The following MLKL variants were observed in gnomAD, a reference collection of about 807,000 sequenced individuals.
The protein encoded by MLKL is mixed lineage kinase domain-like protein.
Under a neutral mutation model 56.5 loss-of-function variants are expected in MLKL, and 55 were observed. The ratio of observed to expected loss-of-function variants is 0.97; its 90% confidence interval spans 0.78 to 1.22. MLKL has a LOEUF of 1.22. Ranked by LOEUF, MLKL falls within the 50% of genes most tolerant of loss-of-function variation. MLKL has a pLI of 0.00. For synonymous variants in MLKL, 251 were observed against 208.3 expected, an observed-to-expected ratio of 1.20 and a Z score of -1.76; for missense variants, 694 against 573.9, an observed-to-expected ratio of 1.21 and a Z score of -2.14.
Position 74,672,451 on chromosome 16 carries a change from T to G in MLKL, c.*53A>C. The G allele has an allele frequency of 6.5e-7, 1 of 1,531,112 alleles. No homozygotes were observed. The highest frequency in any genetic ancestry group is 9.0e-7 in the Non-Finnish European group (1 of 1,105,850). The allele number at this position is 1,531,112 out of a possible 1,614,324, so 94.8% of individuals were successfully genotyped here. A position where few individuals can be genotyped will look rare whatever the true frequency, so the allele number is the denominator to read the frequency against. ...ATATGAGAGAGAGAGATGTCCAGTT[T>G]GTGCCTCTCCCAGCTTCTTGTCCAG... On this transcript the variant is annotated 3_prime_UTR_variant, in exon 11 of 11. Transcript: ENST00000308807.
rs1437332595 is a variant in MLKL at position 74,692,405 on chromosome 16, T to G, written c.472A>C (p.Ile158Leu). ...FQMLRRDNEK[I>L]EASLRRLEIN... ...TCTAATCGTCTCAGTGAAGCTTCTATTTTTTCATTATCTGCAGGAAAAAAG... is the reference window on the plus strand; with the variant it reads ...TCTAATCGTCTCAGTGAAGCTTCTAGTTTTTCATTATCTGCAGGAAAAAAG... The change falls in exon 3 of 11, where the codon ATA (isoleucine) becomes CTA (leucine). Residue 158 changes from isoleucine to leucine, a missense_variant. By Grantham distance (5) the Ile-to-Leu change is conservative. Coordinates refer to ENST00000308807, the MANE Select transcript of MLKL (RefSeq NM_152649.4). The G allele has an allele frequency of 6.2e-7, 1 of 1,613,124 alleles. No individual in the cohort carries two copies. The highest frequency in any genetic ancestry group is 1.1e-5 in the South Asian group (1 of 90,708).
chr16:74,683,992 G>C (rs959295124), intron 5 of MLKL, among the ~76,000 whole-genome samples: 5 of 152,068 alleles, frequency 3.3e-5, no homozygotes, highest in Admixed American at 2.6e-4. Context: ...CTGTCACCCA[G>C]GCTGGAGTGC....
At chr16:74,688,659 A>T (rs571105063) in intron 4 of MLKL, among the ~76,000 whole-genome samples, 7 of 152,216 alleles carry the variant, frequency 4.6e-5, no homozygotes, top group African/African-American at 1.7e-4. Flanking sequence ...GGTTGCAGTG[A>T]CTGATATCAC....
intron 6 of MLKL, among the ~76,000 whole-genome samples, chr16:74,681,551 T>C (rs1466764810): frequency 6.6e-6 from 1 of 151,334 alleles, no homozygotes; most frequent in Admixed American, 6.6e-5. Flanking sequence ...CCCAGCACTT[T>C]GGGAGGCCGA....
chr16:74,700,509 C>T lies in MLKL; in HGVS notation c.-59G>A, dbSNP rs991250069. On this transcript the variant is annotated 5_prime_UTR_variant, in exon 1 of 11. Coordinates refer to ENST00000308807, the MANE Select transcript of MLKL (RefSeq NM_152649.4). ...CTGTCCCGTGCACAGTTCCAAAAAG[C>T]TCGCTCTTCCACCTTCTTTCCCACG... 6.6e-6 allele frequency: 1 copy of T among 152,514 alleles called. No individual in the cohort carries two copies. Among genetic ancestry groups the T allele is most frequent in the Non-Finnish European group, 1.5e-5 (1 of 68,258 alleles). The allele number at this position is 152,514 out of a possible 1,614,324, so 9.4% of individuals were successfully genotyped here.
rs182868025 is a variant in MLKL at position 74,672,737 on chromosome 16, T to A, written c.1382-199A>T. On this transcript the variant is annotated intron_variant, in intron 10 of 10. Transcript: ENST00000308807. The stretch of plus-strand genomic sequence containing the variant: ...GATCAACTTTTAAAACACAAACACC[T>A]CACAGGAGGGGGTAAACTCACATCT... 2.4e-3 allele frequency among the ~76,000 whole-genome samples: 364 copies of A among 152,270 alleles called. 4 individuals are homozygous for A. The highest frequency in any genetic ancestry group is 8.4e-3 in the African/African-American group (348 of 41,546).
At chr16:74,678,571 G>A (rs1301074299) in intron 7 of MLKL, among the ~76,000 whole-genome samples, 2 of 152,178 alleles carry the variant, frequency 1.3e-5, no homozygotes, top group Non-Finnish European at 2.9e-5. Flanking sequence ...ATCACTTGAG[G>A]CCAGGAGTTC....
intron 1 of MLKL, among the ~76,000 whole-genome samples, chr16:74,699,299 G>A (rs2144578513): frequency 6.6e-6 from 1 of 152,142 alleles, no homozygotes; most frequent in Middle Eastern, 3.4e-3. Flanking sequence ...ACATATTTTG[G>A]CATTAAATCA....
At chr16:74,687,114 T>G (rs1960377497) in intron 4 of MLKL, among the ~76,000 whole-genome samples, 1 of 152,110 alleles carries the variant, frequency 6.6e-6, no homozygotes, top group Non-Finnish European at 1.5e-5. Context: ...TAGCTGGGAT[T>G]ACAGGCGCTT....
At chr16:74,675,304 G>A in intron 9 of MLKL, 51 bp downstream of exon 9, 3 of 1,613,048 alleles carry the variant, frequency 1.9e-6, no homozygotes, top group Non-Finnish European at 2.5e-6. Context: ...CTGGTCTACT[G>A]GAAGGGGACC....
chr16:74,680,706 C>T (rs111997223), intron 6 of MLKL, among the ~76,000 whole-genome samples: 6,173 of 152,186 alleles, frequency 0.041, 158 homozygotes, highest in Non-Finnish European at 0.064. Context: ...GAGGTTTCAC[C>T]GTGTTGGGCA....
chr16:74,688,946 C>T (rs972506817), intron 4 of MLKL, among the ~76,000 whole-genome samples: 4 of 152,022 alleles, frequency 2.6e-5, no homozygotes, highest in African/African-American at 7.2e-5. Context: ...CCAGACTCAA[C>T]AGGCCACATA....
intron 4 of MLKL, among the ~76,000 whole-genome samples, chr16:74,685,880 A>C (rs935720055): frequency 6.6e-6 from 1 of 152,186 alleles, no homozygotes. Context: ...TTACTAGGCA[A>C]ACTAAAAAGT....
chr16:74,677,832 C>T (rs1000071839), intron 7 of MLKL: 1 of 152,308 alleles, frequency 6.6e-6, no homozygotes, highest in African/African-American at 2.4e-5. Context: ...GCGTGCGCCA[C>T]CACACCCGGC....
chr16:74,685,801 G>C lies in MLKL; in HGVS notation c.723-218C>G, dbSNP rs879005364. 2.0e-5 allele frequency among the ~76,000 whole-genome samples: 3 copies of C among 152,112 alleles called. No individual in the cohort carries two copies. In the South Asian group the frequency reaches 6.2e-4, roughly 32 times the overall value. Reference sequence around the variant, plus strand: ...CCTCGGGGTCTGTCAGATATTAATGGGACTTGCTAATATCTTTTCAGTAGT... The same window carrying C: ...CCTCGGGGTCTGTCAGATATTAATGCGACTTGCTAATATCTTTTCAGTAGT... On this transcript the variant is annotated intron_variant, in intron 4 of 10. Transcript: ENST00000308807.
At chr16:74,691,918 C>T (rs533918042) in intron 3 of MLKL, among the ~76,000 whole-genome samples, 8 of 152,296 alleles carry the variant, frequency 5.3e-5, no homozygotes, top group Non-Finnish European at 1.0e-4. Context: ...TCCTCCACCC[C>T]GTGAGCTCCT....
chr16:74,695,910 C>G (rs957565727), intron 1 of MLKL, among the ~76,000 whole-genome samples, 151 bp from the exon 2 acceptor site: 7 of 152,192 alleles, frequency 4.6e-5, no homozygotes, highest in Middle Eastern at 3.2e-3. Context: ...TGCTACCCAC[C>G]AAAATCTGTT....
intron 4 of MLKL, among the ~76,000 whole-genome samples, chr16:74,690,757 G>A (rs1316452157): frequency 4.2e-5 from 5 of 117,800 alleles, no homozygotes; most frequent in Non-Finnish European, 8.1e-5. Flanking sequence ...ACTCCAGCCT[G>A]GACAACAGAG....
chr16:74,690,593 G>A (rs1421470996), intron 4 of MLKL, among the ~76,000 whole-genome samples: 2 of 152,010 alleles, frequency 1.3e-5, no homozygotes, highest in East Asian at 3.8e-4. Flanking sequence ...ACAAGCCTGG[G>A]CAGCACAGTG....
Sources: allele counts gnomAD v4.1 joint callset (sites outside exome capture counted in the v4.1 genomes callset), GRCh38; gene constraint gnomAD v4.1.1; transcripts MANE v1.5; gene names NCBI Gene and HGNC (gene_info 2026-07-23, HGNC 2026-07-21).